The following LUC7L3 variants were observed in gnomAD, a reference collection of about 807,000 sequenced individuals.
LUC7L3 encodes the protein luc7-like protein 3.
In LUC7L3, 6 loss-of-function variants were observed where a neutral mutation model predicts 66.8. That is an observed-to-expected ratio of 0.09 (90% confidence interval 0.05 to 0.18). LUC7L3 has a LOEUF of 0.18. Among genes scored for constraint, LUC7L3 ranks in the 10% least tolerant of loss-of-function variants. The probability of loss-of-function intolerance (pLI) is 1.00; values close to 1 mark genes in which losing one functional copy is unlikely to be tolerated. For synonymous variants in LUC7L3, 160 were observed against 174.7 expected, an observed-to-expected ratio of 0.92 and a Z score of 0.66; for missense variants, 341 against 531.1, an observed-to-expected ratio of 0.64 and a Z score of 3.52.
intron 9 of LUC7L3, among the ~76,000 whole-genome samples, chr17:50,747,238 T>C (rs988485503): frequency 6.4e-4 from 58 of 90,628 alleles, no homozygotes; most frequent in African/African-American, 4.3e-3. Flanking sequence ...TTTTCTTTTT[T>C]TTTTTTTTTG....
At position 50,732,896 on chromosome 17, in the gene LUC7L3, G is replaced by A. The variant is rs183340133; in HGVS notation, c.100-4064G>A. On this transcript the variant is annotated intron_variant, in intron 1 of 9. Coordinates refer to ENST00000505658, the MANE Select transcript of LUC7L3 (RefSeq NM_016424.5). ...GGATTACAGGCATGAGCCCCGCCAG[G>A]TACCCCTGGTTCTTTAGCAGATAAG... is the stretch of plus-strand genomic sequence containing the variant. 6.8e-4 allele frequency among the ~76,000 whole-genome samples: 103 copies of A among 152,132 alleles called. 1 individual carries two copies. Among genetic ancestry groups the A allele is most frequent in the African/African-American group, 2.3e-3 (94 of 41,498 alleles).
intron 1 of LUC7L3, chr17:50,722,710 C>G (rs1363284224): frequency 6.6e-6 from 1 of 152,240 alleles, no homozygotes; most frequent in Non-Finnish European, 1.5e-5. Context: ...AAGGATGCAT[C>G]TGTGATGCAA....
intron 1 of LUC7L3, among the ~76,000 whole-genome samples, chr17:50,732,818 C>G (rs1969707747): frequency 1.3e-5 from 2 of 152,126 alleles, no homozygotes; most frequent in South Asian, 4.1e-4. Flanking sequence ...CACACTGCCA[C>G]CTCCACCTTT....
chr17:50,751,068 A>G lies in LUC7L3; in HGVS notation c.*407A>G, dbSNP rs1300085120. ...TATTAAGTCCATCTTGTGTTGGTAC[A>G]TTGGCAGAGACATATGCTTTAAAAA... On this transcript the variant is annotated 3_prime_UTR_variant, in exon 10 of 10. Coordinates refer to ENST00000505658, the MANE Select transcript of LUC7L3 (RefSeq NM_016424.5). The G allele has an allele frequency of 1.4e-6, 2 of 1,439,364 alleles. No homozygotes were observed. The highest frequency in any genetic ancestry group is 1.8e-6 in the Non-Finnish European group (2 of 1,106,360). 89.2% of individuals were successfully genotyped at this position (1,439,364 alleles called of 1,614,324 possible). A position where few individuals can be genotyped will look rare whatever the true frequency, so the allele number is the denominator to read the frequency against.
chr17:50,746,363 A>G (rs553245071), intron 8 of LUC7L3, among the ~76,000 whole-genome samples, 179 bp from the exon 9 acceptor site: 8 of 152,376 alleles, frequency 5.3e-5, no homozygotes, highest in Admixed American at 5.2e-4. Flanking sequence ...TAACCATCTT[A>G]GCACTATTGG....
chr17:50,750,990 T>A lies in LUC7L3; in HGVS notation c.*329T>A. ...CCTTTTTTTAGGGATTTTGATGTCA[T>A]TTCTTTTTTTTTTTTAATAAAAAGG... is the stretch of plus-strand genomic sequence containing the variant. On this transcript the variant is annotated 3_prime_UTR_variant, in exon 10 of 10. Coordinates refer to ENST00000505658, the MANE Select transcript of LUC7L3 (RefSeq NM_016424.5). The A allele has an allele frequency of 6.9e-7, 1 of 1,457,360 alleles. No individual in the cohort carries two copies. Among genetic ancestry groups the A allele is most frequent in the Non-Finnish European group, 9.0e-7 (1 of 1,113,524 alleles). The allele number at this position is 1,457,360 out of a possible 1,614,324, so 90.3% of individuals were successfully genotyped here.
chr17:50,751,182 T>C lies in LUC7L3; in HGVS notation c.*521T>C. On this transcript the variant is annotated 3_prime_UTR_variant, in exon 10 of 10. Coordinates refer to ENST00000505658, the MANE Select transcript of LUC7L3 (RefSeq NM_016424.5). ...GTCAAGGATGTTTCTAGTTTTTTGCTTTATTGCCTTGCATTCTAATGCAGT... is the reference window on the plus strand; with the variant it reads ...GTCAAGGATGTTTCTAGTTTTTTGCCTTATTGCCTTGCATTCTAATGCAGT... 8 of 1,476,982 alleles carry C rather than the reference T, an allele frequency of 5.4e-6. No homozygotes were observed. Among genetic ancestry groups the C allele is most frequent in the African/African-American group, 2.8e-5 (2 of 71,400 alleles). The allele number at this position is 1,476,982 out of a possible 1,614,324, so 91.5% of individuals were successfully genotyped here. A position where few individuals can be genotyped will look rare whatever the true frequency, so the allele number is the denominator to read the frequency against.
chr17:50,746,970 T>C (rs981656469), intron 9 of LUC7L3, among the ~76,000 whole-genome samples: 31 of 152,206 alleles, frequency 2.0e-4, no homozygotes, highest in African/African-American at 6.3e-4. Flanking sequence ...TTAAGTGTTA[T>C]ATTACCTTTC....
At chr17:50,733,012 T>C (rs1969725568) in intron 1 of LUC7L3, among the ~76,000 whole-genome samples, 1 of 152,220 alleles carries the variant, frequency 6.6e-6, no homozygotes, top group Non-Finnish European at 1.5e-5. Flanking sequence ...TTTATTCGTT[T>C]TTTTGTTTTT....
Position 50,753,851 on chromosome 17 carries a change from T to C in LUC7L3, c.*3190T>C, listed in dbSNP as rs1971061436. ...ACTTAAATGAAGTATAATAAATGAGTTCATATGAAAAGGCTTCCTCTATGG... is the reference window on the plus strand; with the variant it reads ...ACTTAAATGAAGTATAATAAATGAGCTCATATGAAAAGGCTTCCTCTATGG... On this transcript the variant is annotated 3_prime_UTR_variant, in exon 10 of 10. Transcript: ENST00000505658. 1 of 152,032 alleles carries C rather than the reference T, an allele frequency of 6.6e-6. No homozygotes were observed. The highest frequency in any genetic ancestry group is 1.5e-5 in the Non-Finnish European group (1 of 67,992). The allele number at this position is 152,032 out of a possible 1,614,324, so 9.4% of individuals were successfully genotyped here. A position where few individuals can be genotyped will look rare whatever the true frequency, so the allele number is the denominator to read the frequency against.
intron 5 of LUC7L3, among the ~76,000 whole-genome samples, chr17:50,743,440 A>G (rs1474002845): frequency 6.6e-6 from 1 of 152,012 alleles, no homozygotes; most frequent in African/African-American, 2.4e-5. Context: ...TCCTGACCTC[A>G]GGTGATCTGC....
intron 1 of LUC7L3, among the ~76,000 whole-genome samples, chr17:50,726,324 A>G (rs1969183257): frequency 6.6e-6 from 1 of 152,004 alleles, no homozygotes; most frequent in Non-Finnish European, 1.5e-5. Flanking sequence ...GCCGTGTACC[A>G]CCATGTCTGG....
At chr17:50,728,072 C>T (rs967366448) in intron 1 of LUC7L3, among the ~76,000 whole-genome samples, 2 of 149,632 alleles carry the variant, frequency 1.3e-5, no homozygotes, top group Non-Finnish European at 3.0e-5. Flanking sequence ...GAGCCGAGAT[C>T]GCGCCACTGC....
At chr17:50,742,081 T>A (rs1044653910) in intron 5 of LUC7L3, among the ~76,000 whole-genome samples, 2 of 152,132 alleles carry the variant, frequency 1.3e-5, no homozygotes, top group African/African-American at 4.8e-5. Flanking sequence ...GTCTTGTGTG[T>A]GTGTGTGTGT....
chr17:50,749,099 A>C (rs1237245916), intron 9 of LUC7L3: 3 of 554,724 alleles, frequency 5.4e-6, no homozygotes, highest in African/African-American at 2.0e-5. Context: ...CAAAGCTGTC[A>C]GCAACCAGTG....
intron 1 of LUC7L3, among the ~76,000 whole-genome samples, chr17:50,730,529 A>AAAAAAAAAAAAAAAAAAAAAAAAAAG (rs1567861403): frequency 6.6e-6 from 1 of 150,816 alleles, no homozygotes; most frequent in African/African-American, 2.5e-5. Flanking sequence ...AAAAAAAAAA[A>AAAAAAAAAAAAAAAAAAAAAAAAAAG]AAAAAAAAAG....
At chr17:50,737,951 CTT>C (rs1177181572) in intron 2 of LUC7L3, among the ~76,000 whole-genome samples, 1 of 152,176 alleles carries the variant, frequency 6.6e-6, no homozygotes, top group Admixed American at 6.6e-5. Flanking sequence ...TATGTACAAT[CTT>C]TGCCTTAGAG....
At position 50,751,742 on chromosome 17, in the gene LUC7L3, C is replaced by G. The variant is rs527441600; in HGVS notation, c.*1081C>G. ...AGGAATAGTCACTCACTGGCTGATA[C>G]ATTTAAAGCAGCAGTGTGAATAGCA... On this transcript the variant is annotated 3_prime_UTR_variant, in exon 10 of 10. Coordinates refer to ENST00000505658, the MANE Select transcript of LUC7L3 (RefSeq NM_016424.5). The G allele has an allele frequency of 3.9e-6, 4 of 1,033,246 alleles. No individual in the cohort carries two copies. Among genetic ancestry groups the G allele is most frequent in the African/African-American group, 3.5e-5 (2 of 57,906 alleles). The allele number at this position is 1,033,246 out of a possible 1,614,324, so 64.0% of individuals were successfully genotyped here. A position where few individuals can be genotyped will look rare whatever the true frequency, so the allele number is the denominator to read the frequency against.
At chr17:50,730,892 A>G (rs1415358120) in intron 1 of LUC7L3, among the ~76,000 whole-genome samples, 1 of 152,110 alleles carries the variant, frequency 6.6e-6, no homozygotes, top group Admixed American at 6.5e-5. Context: ...TTGAGCCAAG[A>G]TCGTGACACT....
Sources: allele counts gnomAD v4.1 joint callset (sites outside exome capture counted in the v4.1 genomes callset), GRCh38; gene constraint gnomAD v4.1.1; transcripts MANE v1.5; gene names NCBI Gene and HGNC (gene_info 2026-07-23, HGNC 2026-07-21).